The following WDPCP variants were observed in gnomAD, a reference collection of about 807,000 sequenced individuals.
The protein encoded by WDPCP is WD repeat containing planar cell polarity effector, also known as WD repeat-containing and planar cell polarity effector protein fritz homolog.
WDPCP carries 71 observed loss-of-function variants against 93.1 expected under a neutral mutation model. The observed-to-expected ratio is 0.76, with a 90% CI of 0.63 to 0.93. WDPCP has a LOEUF of 0.93. Among genes scored for constraint, WDPCP ranks in the 40% least tolerant of loss-of-function variants. WDPCP has a pLI of 0.00. For missense variants in WDPCP, 844 were observed against 887.4 expected (o/e 0.95, Z 0.62); for synonymous variants, 315 against 315.0 (o/e 1.00, Z 0.00).
At chr2:63,612,573 T>A (rs529766892) in intron 3 of WDPCP, among the ~76,000 whole-genome samples, 1 of 152,326 alleles carries the variant, frequency 6.6e-6, no homozygotes, top group African/African-American at 2.4e-5. Context: ...GACATGGACA[T>A]ATGAAAACAA....
intron 13 of WDPCP, among the ~76,000 whole-genome samples, chr2:63,295,448 T>C (rs1365344434): frequency 6.6e-6 from 1 of 151,838 alleles, no homozygotes. Context: ...AAAAAAAAGA[T>C]ATTCCATGCA....
At chr2:63,510,712 G>A (rs576093708) in intron 1 of WDPCP, among the ~76,000 whole-genome samples, 4 of 152,260 alleles carry the variant, frequency 2.6e-5, no homozygotes, top group East Asian at 1.9e-4. Flanking sequence ...GGTGGCTCAC[G>A]CCTGTAATCC....
Position 63,121,895 on chromosome 2 carries a change from T to A in WDPCP, c.*111A>T. 1.3e-6 allele frequency: 2 copies of A among 1,532,880 alleles called. No homozygotes were observed. The highest frequency in any genetic ancestry group is 1.8e-6 in the Non-Finnish European group (2 of 1,142,636). 95.0% of individuals were successfully genotyped at this position (1,532,880 alleles called of 1,614,324 possible). A position where few individuals can be genotyped will look rare whatever the true frequency, so the allele number is the denominator to read the frequency against. ...CTCAACTCAAAACTCTTAACTAATT[T>A]ATATGATTCATACTGTCTCTTGTTA... On this transcript the variant is annotated 3_prime_UTR_variant, in exon 18 of 18. Coordinates refer to ENST00000272321, the MANE Select transcript of WDPCP (RefSeq NM_015910.7).
At chr2:63,482,948 A>G (rs1700355779) in intron 6 of WDPCP, among the ~76,000 whole-genome samples, 1 of 151,998 alleles carries the variant, frequency 6.6e-6, no homozygotes, top group Non-Finnish European at 1.5e-5. Flanking sequence ...GTAATTATAT[A>G]TATATTTTAT....
chr2:63,575,480 T>TCTATACACTGTATATACA (rs1197221591), intron 1 of WDPCP, among the ~76,000 whole-genome samples: 1 of 49,476 alleles, frequency 2.0e-5, no homozygotes, highest in African/African-American at 9.6e-5. Flanking sequence ...GTATATACAG[T>TCTATACACTGTATATACA]GTATATATAG....
At chr2:63,505,683 T>C (rs1701826251) in intron 1 of WDPCP, among the ~76,000 whole-genome samples, 1 of 152,098 alleles carries the variant, frequency 6.6e-6, no homozygotes, top group East Asian at 1.9e-4. Flanking sequence ...TTCAATATCC[T>C]TAAAATAATG....
Position 63,204,336 on chromosome 2 carries a change from CT to C in WDPCP, c.1916-29505del, listed in dbSNP as rs397872785. Among the ~76,000 whole-genome samples, 266 of 92,284 alleles carry C rather than the reference CT, an allele frequency of 2.9e-3. No individual in the cohort carries two copies. The Middle Eastern group carries it at 0.037, about 13-fold the overall frequency. 60.5% of individuals were successfully genotyped at this position (92,284 alleles called of 152,430 possible). On this transcript the variant is annotated intron_variant, in intron 14 of 17. Transcript: ENST00000272321. ...AGCACATTTTTATATGCCCGTTTGC[CT>C]TTTTTTTTTTTTTTTTTTTTTGAGA...
rs76520836 is a variant in WDPCP, at chr2:63,825,973, T to C, written n.222+1649A>G. The stretch of plus-strand genomic sequence containing the variant: ...TTGTAAATGTGGATTAAATGGAAAG[T>C]TACAGTCCTGCATTATCTTTTTTTA... On this transcript the variant is annotated intron_variant and non_coding_transcript_variant, in intron 1 of 4. Transcript: ENST00000467687. Among the ~76,000 whole-genome samples the C allele has an allele frequency of 3.2e-4, 49 of 152,280 alleles. 1 individual carries two copies. The East Asian group carries it at 7.1e-3, about 22-fold the overall frequency.
intron 2 of WDPCP, among the ~76,000 whole-genome samples, chr2:63,746,249 C>A (rs1214493970): frequency 6.6e-6 from 1 of 152,170 alleles, no homozygotes; most frequent in Non-Finnish European, 1.5e-5. Context: ...CCAATCAATA[C>A]TCTTGTGATT....
At chr2:63,472,419 A>AT (rs1204114704) in intron 6 of WDPCP, among the ~76,000 whole-genome samples, 25 of 151,258 alleles carry the variant, frequency 1.7e-4, no homozygotes, top group South Asian at 4.2e-4. Context: ...TAATATTCTA[A>AT]TTTTTTTTAT....
chr2:63,790,341 G>C (rs191182445), intron 2 of WDPCP, among the ~76,000 whole-genome samples: 1 of 152,292 alleles, frequency 6.6e-6, no homozygotes, highest in Admixed American at 6.5e-5. Flanking sequence ...GCCCCAAATG[G>C]GAGAAAATAT....
chr2:63,249,684 G>C (rs1450354950), intron 14 of WDPCP, among the ~76,000 whole-genome samples: 1 of 152,178 alleles, frequency 6.6e-6, no homozygotes, highest in Admixed American at 6.5e-5. Context: ...ATGTCACTCA[G>C]AGTGTGGAAC....
intron 12 of WDPCP, among the ~76,000 whole-genome samples, chr2:63,373,448 G>T (rs1691582619): frequency 6.6e-6 from 1 of 151,502 alleles, no homozygotes; most frequent in East Asian, 1.9e-4. Context: ...TAGAGACGGG[G>T]TCTCACTGTG....
chr2:63,322,114 A>G (rs1454374108), intron 12 of WDPCP, among the ~76,000 whole-genome samples: 5 of 152,082 alleles, frequency 3.3e-5, no homozygotes, highest in Admixed American at 6.5e-5. Flanking sequence ...TCTAGCTAAC[A>G]GGTAGGGGGC....
intron 2 of WDPCP, among the ~76,000 whole-genome samples, chr2:63,746,928 CT>C (rs1332915927): frequency 6.6e-6 from 1 of 152,048 alleles, no homozygotes; most frequent in African/African-American, 2.4e-5. Context: ...TTGAAAATTG[CT>C]AATAAAAACT....
chr2:63,539,422 A>T (rs1287242250), intron 1 of WDPCP, among the ~76,000 whole-genome samples: 2 of 152,306 alleles, frequency 1.3e-5, no homozygotes, highest in Non-Finnish European at 2.9e-5. Context: ...GTTAAAAAAA[A>T]ATTCAACTCA....
chr2:63,193,582 T>C (rs62177760), intron 14 of WDPCP, among the ~76,000 whole-genome samples: 58,583 of 152,062 alleles, frequency 0.39, 13,100 homozygotes, highest in Non-Finnish European at 0.5. Context: ...AACTGCTAGG[T>C]TTAAGCAATC....
chr2:63,763,087 G>A (rs551674474), intron 2 of WDPCP, among the ~76,000 whole-genome samples: 1 of 152,110 alleles, frequency 6.6e-6, no homozygotes, highest in East Asian at 1.9e-4. Context: ...TTTGAAACAT[G>A]ATCATCTATA....
At chr2:63,257,995 C>T (rs1030196214) in intron 14 of WDPCP, among the ~76,000 whole-genome samples, 1 of 152,102 alleles carries the variant, frequency 6.6e-6, no homozygotes, top group Non-Finnish European at 1.5e-5. Flanking sequence ...CATCATATAA[C>T]GTCATCATTC....
Sources: gnomAD v4.1 joint callset for allele counts (sites outside exome capture counted in the v4.1 genomes callset) on GRCh38, gnomAD v4.1.1 for gene constraint, MANE v1.5 for transcripts, NCBI Gene and HGNC (gene_info 2026-07-23, HGNC 2026-07-21) for gene names.